Variants in P2RX3 observed in about 807,000 individuals in gnomAD.
P2RX3 encodes the protein purinergic receptor P2X 3.
A neutral mutation model predicts 51.5 loss-of-function variants in P2RX3; 41 were observed. The ratio of observed to expected loss-of-function variants is 0.80; its 90% confidence interval spans 0.62 to 1.03. The LOEUF is 1.03. Among genes scored for constraint, P2RX3 ranks in the 50% least tolerant of loss-of-function variants. The pLI, the probability that P2RX3 is intolerant of heterozygous loss-of-function variation, is 0.00. For missense variants in P2RX3, 459 were observed against 522.1 expected (o/e 0.88, Z 1.18); for synonymous variants, 185 against 191.6 (o/e 0.97, Z 0.29).
intron 1 of P2RX3, among the ~76,000 whole-genome samples, chr11:57,343,832 G>C (rs1856385148): frequency 6.6e-6 from 1 of 152,190 alleles, no homozygotes; most frequent in South Asian, 2.1e-4. Flanking sequence ...AGCCATCTTA[G>C]CTGGAAGCAG....
intron 8 of P2RX3, among the ~76,000 whole-genome samples, chr11:57,352,829 A>G (rs1214048529): frequency 6.6e-6 from 1 of 152,222 alleles, no homozygotes; most frequent in East Asian, 1.9e-4. Flanking sequence ...TAATTCCCAG[A>G]GGCCTAAGAG....
chr11:57,367,435 T>C (rs983104545), intron 8 of P2RX3, among the ~76,000 whole-genome samples: 3 of 152,190 alleles, frequency 2.0e-5, no homozygotes, highest in Non-Finnish European at 2.9e-5. Flanking sequence ...AAAAGGCAAG[T>C]TCTGGCCGGA....
At position 57,370,033 on chromosome 11, in the gene P2RX3, C is replaced by A; in HGVS notation, c.*36C>A. 1 of 1,458,770 alleles carries A rather than the reference C, an allele frequency of 6.9e-7. No individual in the cohort carries two copies. Among genetic ancestry groups the A allele is most frequent in the Non-Finnish European group, 9.6e-7 (1 of 1,046,344 alleles). The allele number at this position is 1,458,770 out of a possible 1,614,324, so 90.4% of individuals were successfully genotyped here. A position where few individuals can be genotyped will look rare whatever the true frequency, so the allele number is the denominator to read the frequency against. ...CAGGGCCCCACACTCACAAAGGCTCCAGGCCTCCCCACAGAGGACCCTGCC... is the reference window on the plus strand; with the variant it reads ...CAGGGCCCCACACTCACAAAGGCTCAAGGCCTCCCCACAGAGGACCCTGCC... On this transcript the variant is annotated 3_prime_UTR_variant, in exon 12 of 12. Transcript: ENST00000263314.
rs1187227509 is a variant in P2RX3 at position 57,371,082 on chromosome 11, C to T, written c.*1085C>T. On this transcript the variant is annotated 3_prime_UTR_variant, in exon 12 of 12. Transcript: ENST00000263314. ...TTGCTTACAGATGAGCAAACTGAGG[C>T]CAGAAAGGGAAAATGACTGGTTCAG... Among the ~76,000 whole-genome samples the T allele has an allele frequency of 1.3e-5, 2 of 152,204 alleles. No homozygotes were observed. Among genetic ancestry groups the T allele is most frequent in the South Asian group, 2.1e-4 (1 of 4,830 alleles).
chr11:57,349,237 T>G, intron 6 of P2RX3, among the ~76,000 whole-genome samples: 1 of 145,302 alleles, frequency 6.9e-6, no homozygotes, highest in Admixed American at 6.9e-5. Flanking sequence ...CCGAGAAGGG[T>G]GGATCACGAG....
At chr11:57,338,217 C>T (rs1307573699), upstream of P2RX3, among the ~76,000 whole-genome samples, 1 of 152,222 alleles carries the variant, frequency 6.6e-6, no homozygotes, top group Non-Finnish European at 1.5e-5. Context: ...GCAGATAAAA[C>T]ATTAGTCCCA....
chr11:57,359,751 G>A (rs1856686577), intron 8 of P2RX3, among the ~76,000 whole-genome samples: 1 of 152,188 alleles, frequency 6.6e-6, no homozygotes, highest in African/African-American at 2.4e-5. Context: ...CAAGGGCTTT[G>A]GAGTCAAGCA....
At chr11:57,344,953 C>T (rs891048376) in intron 1 of P2RX3, among the ~76,000 whole-genome samples, 2 of 152,142 alleles carry the variant, frequency 1.3e-5, no homozygotes, top group African/African-American at 4.8e-5. Flanking sequence ...CAGTAGGTGA[C>T]CCCAGAGATC....
Position 57,341,429 on chromosome 11 carries a change from C to T in P2RX3, c.119+2760C>T, listed in dbSNP as rs150673166. ...ACACACCACCTGGTCATCTCACATA[C>T]GCTCTCACCCCCGCCCCTGGCCTCA... On this transcript the variant is annotated intron_variant, in intron 1 of 11. Coordinates refer to ENST00000263314, the MANE Select transcript of P2RX3 (RefSeq NM_002559.5). 5.4e-4 allele frequency among the ~76,000 whole-genome samples: 82 copies of T among 152,270 alleles called. 1 individual carries two copies. The highest frequency in any genetic ancestry group is 3.3e-3 in the Admixed American group (50 of 15,296).
intron 8 of P2RX3, among the ~76,000 whole-genome samples, chr11:57,361,457 C>A (rs1195908256): frequency 6.6e-6 from 1 of 152,180 alleles, no homozygotes; most frequent in Non-Finnish European, 1.5e-5. Flanking sequence ...CCTGCACCCC[C>A]AACAGGCACC....
chr11:57,364,349 G>C (rs1484317444), intron 8 of P2RX3, among the ~76,000 whole-genome samples: 1 of 152,212 alleles, frequency 6.6e-6, no homozygotes, highest in Admixed American at 6.5e-5. Flanking sequence ...GGTTCAAGGG[G>C]TATGAGCATG....
At chr11:57,369,470 A>C (rs747628333) in intron 11 of P2RX3, 32 bp downstream of exon 11, 1 of 1,588,028 alleles carries the variant, frequency 6.3e-7, no homozygotes, top group South Asian at 1.1e-5. Flanking sequence ...CTTGGATAAA[A>C]GGGAGAGGGG....
chr11:57,356,798 A>C (rs904281108), intron 8 of P2RX3, among the ~76,000 whole-genome samples: 2 of 143,174 alleles, frequency 1.4e-5, no homozygotes, highest in African/African-American at 4.9e-5. Flanking sequence ...ACTTGCTTGA[A>C]TTCTCCATAA....
At chr11:57,369,779 C>T (rs1856853528) in intron 11 of P2RX3, 105 bp from the exon 12 acceptor site, 3 of 805,146 alleles carry the variant, frequency 3.7e-6, no homozygotes, top group African/African-American at 1.7e-5. Flanking sequence ...TGGCTCCCCT[C>T]ATGACTAGGT....
At position 57,349,834 on chromosome 11, in the gene P2RX3, C is replaced by T. The variant is rs774506616; in HGVS notation, c.641C>T (p.Pro214Leu). The T allele has an allele frequency of 6.2e-7, 1 of 1,614,228 alleles. No homozygotes were observed. Among genetic ancestry groups the T allele is most frequent in the South Asian group, 1.1e-5 (1 of 91,080 alleles). ...CACCCGGACAAGGACCCTTTCTGCCCCATCTTGCGGGTAGGGGACGTGGTC... is the reference window on the plus strand; with the variant it reads ...CACCCGGACAAGGACCCTTTCTGCCTCATCTTGCGGGTAGGGGACGTGGTC... Reference protein sequence around the residue: ...RFHPDKDPFCPILRVGDVVKF... With the variant: ...RFHPDKDPFCLILRVGDVVKF... Residue 214 changes from proline to leucine, a missense_variant, in exon 7 of 12, where the codon CCC (proline) becomes CTC (leucine). Transcript: ENST00000263314.
chr11:57,364,206 G>A (rs1856763750), intron 8 of P2RX3, among the ~76,000 whole-genome samples: 1 of 152,200 alleles, frequency 6.6e-6, no homozygotes, highest in Non-Finnish European at 1.5e-5. Context: ...ATGGGCATGA[G>A]GAACCACATC....
chr11:57,352,999 T>C (rs1215561083), intron 8 of P2RX3, among the ~76,000 whole-genome samples: 2 of 152,130 alleles, frequency 1.3e-5, no homozygotes, highest in African/African-American at 4.8e-5. Context: ...CTGATATCAG[T>C]GGCAAGCAGA....
chr11:57,342,103 G>A, intron 1 of P2RX3, among the ~76,000 whole-genome samples: 1 of 150,874 alleles, frequency 6.6e-6, no homozygotes, highest in Non-Finnish European at 1.5e-5. Context: ...GACAGATATG[G>A]TGGAAAGAGC....
chr11:57,351,923 A>G (rs932301385), intron 8 of P2RX3, among the ~76,000 whole-genome samples: 2 of 152,202 alleles, frequency 1.3e-5, no homozygotes, highest in Admixed American at 6.5e-5. Context: ...TACATTGTGG[A>G]TTTCCCCCAG....
Sources: allele counts gnomAD v4.1 joint callset (sites outside exome capture counted in the v4.1 genomes callset), GRCh38; gene constraint gnomAD v4.1.1; transcripts MANE v1.5; gene names NCBI Gene and HGNC (gene_info 2026-07-23, HGNC 2026-07-21).